The following DTNBP1 variants were observed in gnomAD, a reference collection of about 807,000 sequenced individuals.
The protein encoded by DTNBP1 is dystrobrevin binding protein 1.
Under a neutral mutation model 42.8 loss-of-function variants are expected in DTNBP1, and 35 were observed. The ratio of observed to expected loss-of-function variants is 0.82; its 90% CI spans 0.63 to 1.09. DTNBP1 has a LOEUF of 1.09. Among genes scored for constraint, DTNBP1 ranks in the 50% least tolerant of loss-of-function variants. The pLI, the probability that DTNBP1 is intolerant of heterozygous loss-of-function variation, is 0.00. For missense variants in DTNBP1, 457 were observed against 424.2 expected (o/e 1.08, Z -0.68); for synonymous variants, 171 against 162.2 (o/e 1.05, Z -0.41).
chr6:15,616,990 AG>A (rs1312778501), intron 5 of DTNBP1, among the ~76,000 whole-genome samples: 4 of 152,208 alleles, frequency 2.6e-5, no homozygotes, highest in Non-Finnish European at 5.9e-5. Context: ...ATGAAATTGC[AG>A]GGGGGAAGAA....
At chr6:15,524,199 T>G in intron 9 of DTNBP1, 1 of 1,492,946 alleles carries the variant, frequency 6.7e-7, no homozygotes, top group Non-Finnish European at 8.9e-7. Flanking sequence ...CGCACCTCCC[T>G]GCAAACGCCA....
chr6:15,544,612 C>G (rs555869058), intron 7 of DTNBP1, among the ~76,000 whole-genome samples: 1 of 152,182 alleles, frequency 6.6e-6, no homozygotes, highest in African/African-American at 2.4e-5. Flanking sequence ...AGTATCCCTG[C>G]GCTGAAATCT....
chr6:15,593,691 G>A (rs1357311555), intron 6 of DTNBP1, among the ~76,000 whole-genome samples: 4 of 152,186 alleles, frequency 2.6e-5, no homozygotes, highest in Non-Finnish European at 5.9e-5. Context: ...GTACAGTGGG[G>A]AAACATAGAT....
chr6:15,553,594 C>CTTTTTTTTTTTTTTTT (rs56173414), intron 7 of DTNBP1, among the ~76,000 whole-genome samples: 13,331 of 70,350 alleles, frequency 0.19, 3,336 homozygotes, highest in East Asian at 0.32. Flanking sequence ...GACAAGTGAG[C>CTTTTTTTTTTTTTTTT]TTTTTTTTTT....
chr6:15,651,231 T>G, intron 3 of DTNBP1, 82 bp downstream of exon 3: 2 of 1,346,216 alleles, frequency 1.5e-6, no homozygotes, highest in Non-Finnish European at 1.1e-6. Flanking sequence ...GTTTTAAGGC[T>G]TTTAACCTAC....
At position 15,613,362 on chromosome 6, in the gene DTNBP1, T is replaced by C. The variant is rs1309814788; in HGVS notation, c.488+1905A>G. On this transcript the variant is annotated intron_variant, in intron 6 of 9. Transcript: ENST00000344537. ...CCTTTTTTGACACGGACCCCATTTT[T>C]TTTTTTTTTTTTTTTTTTTTTTGAG... Among the ~76,000 whole-genome samples, 135 of 117,198 alleles carry C rather than the reference T, an allele frequency of 1.2e-3. 24 individuals carry two copies. The highest frequency in any genetic ancestry group is 4.3e-3 in the Middle Eastern group (1 of 230). 76.9% of individuals were successfully genotyped at this position (117,198 alleles called of 152,430 possible).
rs931184486 is a variant in DTNBP1 at position 15,529,225 on chromosome 6, C to T, written c.667+4015G>A. Among the ~76,000 whole-genome samples, 77 of 152,170 alleles carry T rather than the reference C, an allele frequency of 5.1e-4. 1 individual carries two copies. The highest frequency in any genetic ancestry group is 1.5e-4 in the Non-Finnish European group (10 of 68,024). ...ACTTGAACCCAGGAGTTCCAGACTG[C>T]AATGAGCTATGACCACGCCACTGCA... On this transcript the variant is annotated intron_variant, in intron 8 of 9. Transcript: ENST00000344537.
intron 6 of DTNBP1, among the ~76,000 whole-genome samples, chr6:15,594,761 T>A (rs1266986939): frequency 1.3e-5 from 2 of 150,748 alleles, no homozygotes; most frequent in Non-Finnish European, 2.9e-5. Flanking sequence ...TAATGAGTAA[T>A]TCTTTTTTTT....
chr6:15,632,796 T>C (rs1026748636), intron 4 of DTNBP1, among the ~76,000 whole-genome samples: 5 of 152,364 alleles, frequency 3.3e-5, no homozygotes, highest in Non-Finnish European at 7.4e-5. Context: ...CAAGTTAACC[T>C]TTTAATTCTG....
chr6:15,659,877 C>T (rs1761504793), intron 1 of DTNBP1, among the ~76,000 whole-genome samples: 1 of 151,938 alleles, frequency 6.6e-6, no homozygotes, highest in South Asian at 2.1e-4. Flanking sequence ...TTTGTGTTGC[C>T]CAGTCTTGAA....
In DTNBP1 at chr6:15,627,350, T is replaced by G. The variant is rs1759406811; in HGVS notation, c.348A>C (p.Ala116=). The G allele has an allele frequency of 6.2e-7, 1 of 1,613,472 alleles. No individual in the cohort carries two copies. Among genetic ancestry groups the G allele is most frequent in the African/African-American group, 1.3e-5 (1 of 74,910 alleles). ...TGAAAACATTGGACTTACTCAGATT[T>G]GCTGTCATGGATTCTAAGTCTGCGA... ...ALIADLESMT[A]NLTHLEASFE... is the part of the protein sequence containing the mutation. Residue 116 remains alanine (A), a synonymous_variant, in exon 5 of 10, where the codon GCA becomes GCC. Coordinates refer to ENST00000344537, the MANE Select transcript of DTNBP1 (RefSeq NM_032122.5).
At chr6:15,541,144 G>C (rs776485477) in intron 7 of DTNBP1, among the ~76,000 whole-genome samples, 1 of 152,016 alleles carries the variant, frequency 6.6e-6, no homozygotes, top group Non-Finnish European at 1.5e-5. Context: ...CCACTATTCA[G>C]GATGACTATG....
intron 5 of DTNBP1, among the ~76,000 whole-genome samples, chr6:15,623,712 T>C (rs1253143910): frequency 3.9e-5 from 6 of 152,240 alleles, no homozygotes; most frequent in East Asian, 1.9e-4. Context: ...AGGATTATAC[T>C]ACCCTCTAGT....
Position 15,523,162 on chromosome 6 carries a change from T to C in DTNBP1, c.869A>G (p.Glu290Gly). 1 of 1,614,218 alleles carries C rather than the reference T, an allele frequency of 6.2e-7. No homozygotes were observed. Among genetic ancestry groups the C allele is most frequent in the Non-Finnish European group, 8.5e-7 (1 of 1,180,048 alleles). The change falls in exon 10 of 10, where the codon GAA (glutamate) becomes GGA (glycine). Residue 290 changes from glutamate to glycine, a missense_variant. Glu to Gly is a moderately conservative substitution (Grantham distance 98). Coordinates refer to ENST00000344537, the MANE Select transcript of DTNBP1 (RefSeq NM_032122.5). Reference sequence around the variant, plus strand: ...AGAAGAAGGTGGCTTGGCTCTTAATTCTGAGGGATTTGGAACCTGGAGGGT... The same window carrying C: ...AGAAGAAGGTGGCTTGGCTCTTAATCCTGAGGGATTTGGAACCTGGAGGGT... The part of the protein sequence containing the change: ...EITLQVPNPS[E>G]LRAKPPSSSS...
intron 8 of DTNBP1, among the ~76,000 whole-genome samples, chr6:15,532,697 CTT>C (rs373480713): frequency 0.016 from 1,459 of 93,016 alleles, 8 homozygotes; most frequent in Middle Eastern, 0.029. Flanking sequence ...TGTTTGTAAT[CTT>C]TTTTTTTTTT....
chr6:15,524,612 T>C lies in DTNBP1; in HGVS notation c.725A>G (p.Asp242Gly). 2 of 1,613,926 alleles carry C rather than the reference T, an allele frequency of 1.2e-6. No individual in the cohort carries two copies. The highest frequency in any genetic ancestry group is 1.3e-5 in the African/African-American group (1 of 75,040). ...EVNVDMLEQMDLMDISDQEAL... is the reference protein window; with the variant it reads ...EVNVDMLEQMGLMDISDQEAL... The stretch of plus-strand genomic sequence containing the variant: ...CTCCTGGTCCGATATGTCCATCAGG[T>C]CCATCTGCTCCAGCATGTCCACGTT... The change falls in exon 9 of 10, where the codon GAC (aspartate) becomes GGC (glycine). Residue 242 changes from aspartate (D) to glycine (G), a missense_variant. Coordinates refer to ENST00000344537, the MANE Select transcript of DTNBP1 (RefSeq NM_032122.5).
intron 7 of DTNBP1, among the ~76,000 whole-genome samples, chr6:15,572,217 G>A (rs1436208890): frequency 1.3e-5 from 2 of 152,040 alleles, no homozygotes; most frequent in Admixed American, 6.5e-5. Context: ...TTTTATAGCT[G>A]AGCAAGTAGA....
chr6:15,651,702 G>T (rs1761006874), intron 2 of DTNBP1, among the ~76,000 whole-genome samples: 3 of 152,086 alleles, frequency 2.0e-5, no homozygotes, highest in African/African-American at 7.2e-5. Context: ...TGGACAAACA[G>T]CACAATCCTG....
chr6:15,542,435 G>A (rs9476840), intron 7 of DTNBP1, among the ~76,000 whole-genome samples: 19,252 of 152,028 alleles, frequency 0.13, 1,547 homozygotes, highest in African/African-American at 0.23. Context: ...GCAGTGGTAC[G>A]ATTTTGGCTC....
Sources: allele counts gnomAD v4.1 joint callset (sites outside exome capture counted in the v4.1 genomes callset), GRCh38; gene constraint gnomAD v4.1.1; transcripts MANE v1.5; gene names NCBI Gene and HGNC (gene_info 2026-07-23, HGNC 2026-07-21).